ATP13A4: variants seen among roughly 807,000 people sequenced by gnomAD.
ATP13A4 encodes the protein probable cation-transporting ATPase 13A4.
A neutral mutation model predicts 142.5 loss-of-function variants in ATP13A4; 114 were observed. That is an observed-to-expected ratio of 0.80 (90% CI 0.69 to 0.93). The LOEUF (loss-of-function observed/expected upper bound fraction) is 0.93, where lower values mean the gene tolerates loss of function less well. Ranked by LOEUF, ATP13A4 falls within the 40% of genes least tolerant of loss-of-function variation. The probability of loss-of-function intolerance (pLI) is 0.00; values close to 1 mark genes in which losing one functional copy is unlikely to be tolerated. For synonymous variants in ATP13A4, 488 were observed against 514.8 expected (o/e 0.95, Z 0.70); for missense variants, 1,392 against 1,454.0 (o/e 0.96, Z 0.69).
chr3:193,440,679 T>C, intron 20 of ATP13A4, 42 bp from the exon 21 acceptor site: 2 of 1,587,312 alleles, frequency 1.3e-6, no homozygotes, highest in Non-Finnish European at 1.7e-6. Context: ...TCAAGTCATC[T>C]GGTTGTACAT....
chr3:193,562,415 G>A (rs1724035425), intron 2 of ATP13A4, among the ~76,000 whole-genome samples: 1 of 152,080 alleles, frequency 6.6e-6, no homozygotes, highest in South Asian at 2.1e-4. Flanking sequence ...CATTCATCAG[G>A]CATTTTTGTA....
intron 10 of ATP13A4, 107 bp from the exon 11 acceptor site, chr3:193,466,289 G>GT: frequency 3.7e-6 from 5 of 1,367,468 alleles, no homozygotes; most frequent in Non-Finnish European, 5.2e-6. Flanking sequence ...TTTGAACAGT[G>GT]TTTAAGCTCA....
At chr3:193,550,358 G>A (rs936700901) in intron 1 of ATP13A4, among the ~76,000 whole-genome samples, 3 of 149,034 alleles carry the variant, frequency 2.0e-5, no homozygotes, top group African/African-American at 7.5e-5. Flanking sequence ...CCAGGCTGGA[G>A]TGCACTGATA....
chr3:193,404,280 G>T, intron 29 of ATP13A4: 1 of 421,398 alleles, frequency 2.4e-6, no homozygotes, highest in Non-Finnish European at 3.2e-6. Context: ...CACACAGAGA[G>T]AGAAACTTTG....
intron 25 of ATP13A4, among the ~76,000 whole-genome samples, chr3:193,428,828 T>C (rs930524739): frequency 2.0e-5 from 3 of 146,722 alleles, no homozygotes; most frequent in Admixed American, 2.0e-4. Context: ...CATTAGGAGA[T>C]ATACCTAATG....
chr3:193,480,833 T>C (rs777650494), intron 8 of ATP13A4, among the ~76,000 whole-genome samples: 4 of 152,180 alleles, frequency 2.6e-5, no homozygotes, highest in Non-Finnish European at 4.4e-5. Context: ...CATGTGCATG[T>C]CTAGAGCAGC....
At chr3:193,424,029 A>G (rs1715527964) in intron 25 of ATP13A4, among the ~76,000 whole-genome samples, 1 of 149,610 alleles carries the variant, frequency 6.7e-6, no homozygotes, top group African/African-American at 2.5e-5. Context: ...TATATAGGCT[A>G]ATGATGAATT....
At chr3:193,541,498 T>C (rs1403518909) in intron 1 of ATP13A4, among the ~76,000 whole-genome samples, 1 of 151,882 alleles carries the variant, frequency 6.6e-6, no homozygotes, top group African/African-American at 2.4e-5. Context: ...GAGAAAAAAA[T>C]CACCTTCAGG....
intron 2 of ATP13A4, among the ~76,000 whole-genome samples, chr3:193,560,582 A>G (rs1723992999): frequency 6.6e-6 from 1 of 152,150 alleles, no homozygotes; most frequent in Non-Finnish European, 1.5e-5. Flanking sequence ...CGAGGACTTC[A>G]TTTGCCAAGC....
At chr3:193,557,611 A>C (rs151016400), upstream of ATP13A4, among the ~76,000 whole-genome samples, 52 of 152,374 alleles carry the variant, frequency 3.4e-4, no homozygotes, top group Admixed American at 1.6e-3. Flanking sequence ...ATTTGCCTAC[A>C]TTCAAACCAT....
intron 25 of ATP13A4, among the ~76,000 whole-genome samples, chr3:193,432,933 A>G (rs567221443): frequency 1.3e-5 from 2 of 152,272 alleles, no homozygotes; most frequent in South Asian, 4.2e-4. Context: ...TAAAATGTGC[A>G]AGACCAGGAA....
At chr3:193,547,268 G>T (rs937920001) in intron 1 of ATP13A4, among the ~76,000 whole-genome samples, 2 of 152,026 alleles carry the variant, frequency 1.3e-5, no homozygotes, top group Admixed American at 6.6e-5. Context: ...AACCAACTTT[G>T]CTCACTCAAT....
intron 1 of ATP13A4, among the ~76,000 whole-genome samples, chr3:193,545,746 C>T (rs563117765): frequency 8.5e-5 from 13 of 152,174 alleles, no homozygotes; most frequent in South Asian, 8.3e-4. Context: ...CTATACGGTT[C>T]GGCACTGTTA....
chr3:193,548,723 G>A (rs1434602778), intron 1 of ATP13A4, among the ~76,000 whole-genome samples: 1 of 152,134 alleles, frequency 6.6e-6, no homozygotes, highest in Non-Finnish European at 1.5e-5. Context: ...CCAAGTAATT[G>A]GTGGAAAAAA....
chr3:193,531,229 A>G (rs1274554501), intron 1 of ATP13A4, among the ~76,000 whole-genome samples: 1 of 148,444 alleles, frequency 6.7e-6, no homozygotes, highest in South Asian at 2.2e-4. Context: ...TTGTGTACCA[A>G]TACCTAGCAC....
At chr3:193,573,803 A>G (rs1724338319) in intron 2 of ATP13A4, among the ~76,000 whole-genome samples, 1 of 152,242 alleles carries the variant, frequency 6.6e-6, no homozygotes, top group African/African-American at 2.4e-5. Flanking sequence ...TAGCCTTTGT[A>G]CACAAAAGTC....
chr3:193,441,009 C>A (rs746147646), intron 20 of ATP13A4, among the ~76,000 whole-genome samples: 5 of 150,192 alleles, frequency 3.3e-5, no homozygotes, highest in Non-Finnish European at 7.4e-5. Context: ...CTATCTCTCT[C>A]TCTCTCTCTA....
rs1718577614 is a variant in ATP13A4 at position 193,470,854 on chromosome 3, T to C, written c.943+5A>G. ...AGGTTGTCAGCTGTGGAGATGGAAC[T>C]GTACCTGTCAGCATGCCTTCATCCA... On this transcript the variant is annotated splice_donor_5th_base_variant and intron_variant, in intron 9 of 29. Coordinates refer to ENST00000342695, the MANE Select transcript of ATP13A4 (RefSeq NM_032279.4). The C allele has an allele frequency of 6.2e-7, 1 of 1,614,046 alleles. No individual in the cohort carries two copies. The highest frequency in any genetic ancestry group is 8.5e-7 in the Non-Finnish European group (1 of 1,180,026).
chr3:193,455,896 TG>T (rs1717581417), intron 16 of ATP13A4, among the ~76,000 whole-genome samples: 1 of 152,152 alleles, frequency 6.6e-6, no homozygotes, highest in African/African-American at 2.4e-5. Context: ...GAGACCTGGA[TG>T]GAGCTGGAGG....
Sources: allele counts gnomAD v4.1 joint callset (sites outside exome capture counted in the v4.1 genomes callset), GRCh38; gene constraint gnomAD v4.1.1; transcripts MANE v1.5; gene names NCBI Gene and HGNC (gene_info 2026-07-23, HGNC 2026-07-21).